AKAP12: variants seen among roughly 807,000 people sequenced by gnomAD.
AKAP12 encodes the protein A-kinase anchor protein 12.
Under a neutral mutation model 79.9 loss-of-function variants are expected in AKAP12, and 32 were observed. The observed-to-expected ratio is 0.40, with a 90% CI of 0.30 to 0.54. AKAP12 has a LOEUF of 0.54. Among genes scored for constraint, AKAP12 ranks in the 20% least tolerant of loss-of-function variants. AKAP12 has a pLI of 0.48. For synonymous variants in AKAP12, 808 were observed against 857.0 expected (o/e 0.94, Z 1.00); for missense variants, 2,074 against 2,177.0 (o/e 0.95, Z 0.94).
At chr6:151,305,056 T>C (rs1379979115) in intron 2 of AKAP12, among the ~76,000 whole-genome samples, 1 of 152,244 alleles carries the variant, frequency 6.6e-6, no homozygotes, top group African/African-American at 2.4e-5. Context: ...GCCTCCCTTC[T>C]CTGCACCCCG....
intron 2 of AKAP12, among the ~76,000 whole-genome samples, chr6:151,268,616 A>G (rs1433634924): frequency 6.6e-6 from 1 of 152,168 alleles, no homozygotes. Flanking sequence ...CCATTTTGGA[A>G]AAGACTTGTG....
At chr6:151,285,384 C>CTCTGTGTGTGTG (rs1554324273) in intron 2 of AKAP12, among the ~76,000 whole-genome samples, 1 of 136,462 alleles carries the variant, frequency 7.3e-6, no homozygotes, top group African/African-American at 2.7e-5. Context: ...CTGCATTTCA[C>CTCTGTGTGTGTG]TGTGTGTGTG....
chr6:151,270,289 C>T (rs1776155373), intron 2 of AKAP12, among the ~76,000 whole-genome samples: 1 of 152,186 alleles, frequency 6.6e-6, no homozygotes, highest in African/African-American at 2.4e-5. Context: ...AACTCGCAAC[C>T]TCAGGTGATC....
intron 3 of AKAP12, among the ~76,000 whole-genome samples, chr6:151,320,878 A>G (rs956460581): frequency 2.0e-5 from 3 of 152,204 alleles, no homozygotes; most frequent in Admixed American, 1.3e-4. Flanking sequence ...GCTGTAATTC[A>G]CATACTATGC....
chr6:151,354,284 A>T (rs1303758557), intron 4 of AKAP12, among the ~76,000 whole-genome samples: 2 of 152,008 alleles, frequency 1.3e-5, no homozygotes, highest in African/African-American at 4.8e-5. Context: ...AAGTATTTTT[A>T]AAAATTTTCC....
chr6:151,272,153 A>C lies in AKAP12; in HGVS notation c.162+31429A>C, dbSNP rs1254907177. ...TGAGGAGTCCAAGACTAGCCTGGGC[A>C]ACGTAATGAGACTTCAGCTCTATAA... On this transcript the variant is annotated intron_variant, in intron 2 of 4. Transcript: ENST00000402676. Among the ~76,000 whole-genome samples, 4 of 152,164 alleles carry C rather than the reference A, an allele frequency of 2.6e-5. No individual in the cohort carries two copies. The East Asian group carries it at 7.7e-4, about 29-fold the overall frequency.
intron 3 of AKAP12, among the ~76,000 whole-genome samples, chr6:151,306,115 G>C (rs1582870120): frequency 6.6e-6 from 1 of 152,154 alleles, no homozygotes; most frequent in Non-Finnish European, 1.5e-5. Context: ...TCTGGAACTT[G>C]ATGCTTTTTA....
At chr6:151,281,511 A>G (rs1292936525) in intron 2 of AKAP12, among the ~76,000 whole-genome samples, 1 of 152,164 alleles carries the variant, frequency 6.6e-6, no homozygotes, top group African/African-American at 2.4e-5. Context: ...TTCAGATCTC[A>G]TGGTTGATAC....
At chr6:151,251,167 C>T (rs10499265) in intron 2 of AKAP12, among the ~76,000 whole-genome samples, 10,499 of 152,110 alleles carry the variant, frequency 0.069, 426 homozygotes, top group Middle Eastern at 0.15. Flanking sequence ...TGGTACAAGA[C>T]GTATTGAGTT....
At chr6:151,272,353 A>AC (rs1776200980) in intron 2 of AKAP12, among the ~76,000 whole-genome samples, 1 of 151,144 alleles carries the variant, frequency 6.6e-6, no homozygotes, top group Admixed American at 6.6e-5. Context: ...TCAAAAAAAA[A>AC]AAAAAACAAA....
chr6:151,350,489 G>A lies in AKAP12; in HGVS notation c.2098G>A (p.Glu700Lys), dbSNP rs749104639. ...AGCAAGGAGAGGGTCCTCTTCTGAT[G>A]AGGAAGGGGGACCAAAAGCAATGGG... ...KRARRGSSSDEEGGPKAMGGD... is the reference protein window; with the variant it reads ...KRARRGSSSDKEGGPKAMGGD... The change falls in exon 4 of 5, where the codon GAG becomes AAG. Residue 700 changes from glutamate (E) to lysine (K), a missense_variant. Glu to Lys is a moderately conservative substitution (Grantham distance 56). Coordinates refer to ENST00000402676, the MANE Select transcript of AKAP12 (RefSeq NM_005100.4). The surrounding 1 kb of genome is among the most constrained non-coding windows in gnomAD (Gnocchi z 4.8). 3.2e-5 allele frequency: 51 copies of A among 1,613,980 alleles called. No homozygotes were observed. The highest frequency in any genetic ancestry group is 4.2e-5 in the Non-Finnish European group (50 of 1,180,030).
chr6:151,331,915 G>GTAC (rs1777680585), intron 3 of AKAP12, among the ~76,000 whole-genome samples: 2 of 150,728 alleles, frequency 1.3e-5, no homozygotes, highest in South Asian at 4.2e-4. Flanking sequence ...TTGTTTTGGA[G>GTAC]TACTAGTAGC....
intron 2 of AKAP12, among the ~76,000 whole-genome samples, chr6:151,246,417 C>T (rs1340384339): frequency 1.3e-5 from 2 of 151,680 alleles, no homozygotes; most frequent in Non-Finnish European, 2.9e-5. Flanking sequence ...GACTCCGTCT[C>T]AAAAACAAAA....
At chr6:151,304,271 C>G (rs975658344) in intron 2 of AKAP12, among the ~76,000 whole-genome samples, 2 of 151,770 alleles carry the variant, frequency 1.3e-5, no homozygotes, top group African/African-American at 4.8e-5. Flanking sequence ...GGGTGGATCA[C>G]TTGAGGTCAG....
intron 3 of AKAP12, among the ~76,000 whole-genome samples, chr6:151,315,503 T>G (rs917126765): frequency 6.6e-6 from 1 of 152,186 alleles, no homozygotes; most frequent in African/African-American, 2.4e-5. Context: ...CATATGAAAT[T>G]TTTTGTGGGG....
At chr6:151,275,059 G>A (rs1305982970) in intron 2 of AKAP12, among the ~76,000 whole-genome samples, 18 of 152,180 alleles carry the variant, frequency 1.2e-4, no homozygotes, top group East Asian at 1.9e-4. Flanking sequence ...AGCCGTGATC[G>A]CGCCACTGCA....
intron 2 of AKAP12, among the ~76,000 whole-genome samples, chr6:151,286,193 C>T (rs1776501667): frequency 6.6e-6 from 1 of 152,102 alleles, no homozygotes. Context: ...ATTAAGGCAA[C>T]AGCAATTTGA....
At chr6:151,255,217 G>A (rs1212078833) in intron 2 of AKAP12, among the ~76,000 whole-genome samples, 1 of 151,942 alleles carries the variant, frequency 6.6e-6, no homozygotes, top group African/African-American at 2.4e-5. Context: ...CCAGGCTGGA[G>A]TGCAGTGGCA....
rs1301897118 is a variant in AKAP12, at chr6:151,351,182, CTGT to C, written c.2793_2795del (p.Leu932del). 1 of 1,614,232 alleles carries C rather than the reference CTGT, an allele frequency of 6.2e-7. No individual in the cohort carries two copies. The highest frequency in any genetic ancestry group is 8.5e-7 in the Non-Finnish European group (1 of 1,180,056). Reference sequence around the variant, plus strand: ...TGAACAAGTAGAAGCTGAAGCCGCACTGTTAACTGAGGAGGTATTGGAAAGAGA... The same window carrying C: ...TGAACAAGTAGAAGCTGAAGCCGCACTAACTGAGGAGGTATTGGAAAGAGA... On this transcript the variant is annotated inframe_deletion, in exon 4 of 5. Transcript: ENST00000402676. The surrounding 1 kb of genome is among the most constrained non-coding windows in gnomAD (Gnocchi z 4.4).
Sources: gnomAD v4.1 joint callset for allele counts (sites outside exome capture counted in the v4.1 genomes callset) on GRCh38, gnomAD v4.1.1 for gene constraint, Gnocchi (gnomAD v3.1) non-coding constraint, MANE v1.5 for transcripts, NCBI Gene and HGNC (gene_info 2026-07-23, HGNC 2026-07-21) for gene names.